Variants in SNTG1 observed in about 807,000 individuals in gnomAD.
SNTG1 encodes gamma-1-syntrophin.
A neutral mutation model predicts 74.7 loss-of-function variants in SNTG1; 39 were observed. The ratio of observed to expected loss-of-function variants is 0.52; its 90% confidence interval spans 0.40 to 0.68. The LOEUF is 0.68. Ranked by LOEUF, SNTG1 falls within the 30% of genes least tolerant of loss-of-function variation. The pLI is 0.00. For synonymous variants in SNTG1, 254 were observed against 217.1 expected, an observed-to-expected ratio of 1.17 and a Z score of -1.49; for missense variants, 685 against 609.5, an observed-to-expected ratio of 1.12 and a Z score of -1.30.
intron 2 of SNTG1, among the ~76,000 whole-genome samples, chr8:50,196,710 A>C (rs988018294): frequency 2.0e-5 from 3 of 151,766 alleles, no homozygotes; most frequent in Admixed American, 1.3e-4. Flanking sequence ...TAATCCCAGG[A>C]CTTCGAGAAG....
chr8:50,318,073 T>C (rs2090381778), intron 2 of SNTG1, among the ~76,000 whole-genome samples: 1 of 152,102 alleles, frequency 6.6e-6, no homozygotes, highest in Non-Finnish European at 1.5e-5. Context: ...CCTGACCTCG[T>C]GATCCGCCCG....
At chr8:50,519,028 TG>T (rs1405993882) in intron 9 of SNTG1, among the ~76,000 whole-genome samples, 1 of 152,174 alleles carries the variant, frequency 6.6e-6, no homozygotes, top group Non-Finnish European at 1.5e-5. Context: ...CCAATATCAC[TG>T]ATAAACATTG....
intron 1 of SNTG1, among the ~76,000 whole-genome samples, chr8:50,135,615 G>A (rs1033868093): frequency 3.3e-5 from 5 of 151,646 alleles, no homozygotes; most frequent in African/African-American, 9.7e-5. Flanking sequence ...GATTTTGGGG[G>A]ACTTTCGTTT....
chr8:50,117,583 T>A (rs1387958638), intron 1 of SNTG1, among the ~76,000 whole-genome samples: 1 of 152,124 alleles, frequency 6.6e-6, no homozygotes, highest in Non-Finnish European at 1.5e-5. Context: ...TCCTCATGCC[T>A]CTCAGCAAAA....
intron 12 of SNTG1, 85 bp from the exon 13 acceptor site, chr8:50,590,794 C>A (rs2094686441): frequency 3.6e-6 from 3 of 831,638 alleles, no homozygotes; most frequent in Non-Finnish European, 5.7e-6. Context: ...TATTAGCTCA[C>A]TAAAAATAAT....
intron 17 of SNTG1, among the ~76,000 whole-genome samples, chr8:50,735,460 G>T (rs1456843812): frequency 1.3e-5 from 2 of 151,744 alleles, no homozygotes; most frequent in African/African-American, 4.8e-5. Flanking sequence ...CATAGCACAA[G>T]AACTTCGTGA....
chr8:50,174,842 G>T (rs924255328), intron 2 of SNTG1, among the ~76,000 whole-genome samples: 1 of 150,232 alleles, frequency 6.7e-6, no homozygotes, highest in Non-Finnish European at 1.5e-5. Context: ...GGTATATCTC[G>T]TAATGCTATC....
intron 2 of SNTG1, among the ~76,000 whole-genome samples, chr8:50,211,628 A>G (rs867858892): frequency 6.6e-5 from 10 of 152,294 alleles, no homozygotes; most frequent in African/African-American, 2.4e-4. Context: ...AATTAAAACA[A>G]TTCTAAGAGA....
intron 18 of SNTG1, among the ~76,000 whole-genome samples, chr8:50,761,607 T>C (rs867678606): frequency 2.0e-4 from 31 of 151,708 alleles, no homozygotes; most frequent in African/African-American, 6.8e-4. Context: ...TGAGCTATTT[T>C]TTTTTTTCAT....
chr8:50,206,216 C>T (rs774006866), intron 2 of SNTG1, among the ~76,000 whole-genome samples: 6 of 152,112 alleles, frequency 3.9e-5, no homozygotes, highest in South Asian at 2.1e-4. Context: ...AATGTTCTTC[C>T]GTTTGTTTGT....
At chr8:50,760,007 T>A (rs979745220) in intron 18 of SNTG1, among the ~76,000 whole-genome samples, 8 of 152,136 alleles carry the variant, frequency 5.3e-5, no homozygotes, top group African/African-American at 1.9e-4. Context: ...GTTTGTGTCC[T>A]CTCTTATTCC....
At chr8:50,310,507 G>A (rs2090067453) in intron 2 of SNTG1, among the ~76,000 whole-genome samples, 1 of 152,118 alleles carries the variant, frequency 6.6e-6, no homozygotes, top group African/African-American at 2.4e-5. Context: ...TGACCAACAT[G>A]GAGAAACCCT....
intron 1 of SNTG1, among the ~76,000 whole-genome samples, chr8:50,152,476 T>TAA (rs1170060070): frequency 6.6e-6 from 1 of 152,226 alleles, no homozygotes; most frequent in Non-Finnish European, 1.5e-5. Flanking sequence ...TTTTGCTTGT[T>TAA]AATTGATGCA....
chr8:50,263,269 T>G (rs10100294), intron 2 of SNTG1, among the ~76,000 whole-genome samples: 49,633 of 151,918 alleles, frequency 0.33, 8,610 homozygotes, highest in African/African-American at 0.45. Context: ...AAAAATAAAG[T>G]CTTTAAAGAA....
chr8:50,154,828 T>C (rs2082201047), intron 1 of SNTG1, among the ~76,000 whole-genome samples: 1 of 152,110 alleles, frequency 6.6e-6, no homozygotes. Flanking sequence ...AAATGTGGCG[T>C]GTTGGATGAA....
At chr8:50,148,213 A>T (rs2081938895) in intron 1 of SNTG1, among the ~76,000 whole-genome samples, 1 of 152,124 alleles carries the variant, frequency 6.6e-6, no homozygotes, top group East Asian at 1.9e-4. Flanking sequence ...ACTGGTATAA[A>T]AATGATTATG....
chr8:50,454,383 G>A (rs1346524909), intron 8 of SNTG1, among the ~76,000 whole-genome samples: 2 of 152,082 alleles, frequency 1.3e-5, no homozygotes, highest in Non-Finnish European at 1.5e-5. Context: ...TGTAACCCCA[G>A]CTAATCAAGA....
At chr8:50,566,361 T>A (rs2130725816) in intron 12 of SNTG1, among the ~76,000 whole-genome samples, 1 of 152,052 alleles carries the variant, frequency 6.6e-6, no homozygotes, top group East Asian at 1.9e-4. Flanking sequence ...AAAATGATGA[T>A]GTTATCAGCA....
At chr8:50,766,213 C>T (rs1284002955) in intron 18 of SNTG1, among the ~76,000 whole-genome samples, 5 of 151,932 alleles carry the variant, frequency 3.3e-5, no homozygotes, top group Admixed American at 3.3e-4. Flanking sequence ...TATTGAACAA[C>T]ATTCATTCAT....
Sources: gnomAD v4.1 joint callset for allele counts (sites outside exome capture counted in the v4.1 genomes callset) on GRCh38, gnomAD v4.1.1 for gene constraint, MANE v1.5 for transcripts, NCBI Gene and HGNC (gene_info 2026-07-23, HGNC 2026-07-21) for gene names.